LRRC7: variants seen among roughly 807,000 people sequenced by gnomAD.
LRRC7 encodes the protein leucine rich repeat containing 7, also known as leucine-rich repeat-containing protein 7.
A neutral mutation model predicts 175.7 loss-of-function variants in LRRC7; 23 were observed. The ratio of observed to expected loss-of-function variants is 0.13; its 90% CI spans 0.09 to 0.19. The LOEUF (loss-of-function observed/expected upper bound fraction) is 0.19. Among genes scored for constraint, LRRC7 ranks in the 10% least tolerant of loss-of-function variants. The pLI, the probability that LRRC7 is intolerant of heterozygous loss-of-function variation, is 1.00. For synonymous variants in LRRC7, 685 were observed against 680.9 expected, an observed-to-expected ratio of 1.01 and a Z score of -0.09; for missense variants, 1,354 against 1,904.7, an observed-to-expected ratio of 0.71 and a Z score of 5.38.
At chr1:69,877,962 G>A (rs1171108320) in intron 7 of LRRC7, among the ~76,000 whole-genome samples, 2 of 152,116 alleles carry the variant, frequency 1.3e-5, no homozygotes, top group Non-Finnish European at 2.9e-5. Context: ...ACTATCAAAG[G>A]TGTAGAGGAG....
chr1:69,888,754 A>T (rs1302062509), intron 7 of LRRC7, among the ~76,000 whole-genome samples: 1 of 152,190 alleles, frequency 6.6e-6, no homozygotes, highest in Non-Finnish European at 1.5e-5. Context: ...AGAGTAGAAC[A>T]GTGGTTACCA....
intron 1 of LRRC7, among the ~76,000 whole-genome samples, chr1:69,597,199 T>C (rs1408011269): frequency 1.3e-5 from 2 of 152,144 alleles, no homozygotes; most frequent in African/African-American, 4.8e-5. Flanking sequence ...TAAACATAGT[T>C]TCAGTGTCTA....
chr1:69,985,435 G>C (rs955263557), intron 9 of LRRC7, among the ~76,000 whole-genome samples: 2 of 152,132 alleles, frequency 1.3e-5, no homozygotes, highest in Admixed American at 6.6e-5. Context: ...CTTTAGTTGG[G>C]AGTTATTTAT....
At chr1:69,702,772 G>A (rs185838091) in intron 2 of LRRC7, among the ~76,000 whole-genome samples, 137 of 152,086 alleles carry the variant, frequency 9.0e-4, no homozygotes, top group African/African-American at 3.0e-3. Flanking sequence ...TAGCACTTTG[G>A]GAGTTTATTA....
At chr1:69,915,864 T>C (rs1646671118) in intron 7 of LRRC7, among the ~76,000 whole-genome samples, 2 of 150,802 alleles carry the variant, frequency 1.3e-5, no homozygotes, top group South Asian at 4.2e-4. Context: ...ATCATAACAG[T>C]AACCCTATAA....
chr1:69,781,657 G>C (rs12035714), intron 3 of LRRC7, among the ~76,000 whole-genome samples: 18,506 of 140,164 alleles, frequency 0.13, 1,932 homozygotes, highest in East Asian at 0.49. Flanking sequence ...ACTCCAGCCT[G>C]GGAGACAGAG....
chr1:69,812,829 C>T (rs1678097037), intron 4 of LRRC7, among the ~76,000 whole-genome samples: 1 of 152,060 alleles, frequency 6.6e-6, no homozygotes, highest in African/African-American at 2.4e-5. Context: ...AACACTAAAT[C>T]ATTCAAAATT....
At chr1:70,092,644 A>G (rs1290168189) in intron 25 of LRRC7, among the ~76,000 whole-genome samples, 1 of 152,172 alleles carries the variant, frequency 6.6e-6, no homozygotes, top group Non-Finnish European at 1.5e-5. Flanking sequence ...ACAGCCAGAC[A>G]GGGAAAGACT....
chr1:69,617,934 C>G (rs1649937861), intron 1 of LRRC7, among the ~76,000 whole-genome samples: 1 of 152,010 alleles, frequency 6.6e-6, no homozygotes, highest in Non-Finnish European at 1.5e-5. Flanking sequence ...TGACAATAAA[C>G]AGCGTTGGGG....
intron 2 of LRRC7, among the ~76,000 whole-genome samples, chr1:69,698,223 G>C (rs544743735): frequency 2.0e-4 from 30 of 152,172 alleles, no homozygotes; most frequent in Non-Finnish European, 4.0e-4. Flanking sequence ...TCAATATCTA[G>C]AACACCCGTT....
chr1:69,865,606 G>A (rs1290740134), intron 7 of LRRC7, among the ~76,000 whole-genome samples: 2 of 145,838 alleles, frequency 1.4e-5, no homozygotes, highest in Admixed American at 7.1e-5. Flanking sequence ...TCAGCCTCCC[G>A]AGTGGCTGGG....
rs560403993 is a variant in LRRC7, at chr1:69,614,533, C to A, written c.2+45892C>A. 2.1e-4 allele frequency among the ~76,000 whole-genome samples: 32 copies of A among 152,086 alleles called. 1 individual carries two copies. Among genetic ancestry groups the A allele is most frequent in the Middle Eastern group, 3.4e-3 (1 of 294 alleles). On this transcript the variant is annotated intron_variant, in intron 1 of 26. Transcript: ENST00000651989. The stretch of plus-strand genomic sequence containing the variant: ...TAGGCAGATAAAACTCTCATTTGCC[C>A]TGGCCTCTGAGGCACGTTGATATCA...
At chr1:69,817,080 C>A (rs1230612418) in intron 4 of LRRC7, among the ~76,000 whole-genome samples, 2 of 151,902 alleles carry the variant, frequency 1.3e-5, no homozygotes, top group African/African-American at 4.8e-5. Flanking sequence ...GTAGGTTTTG[C>A]TGTGCAAAAA....
chr1:69,580,003 G>A (rs1055674647), intron 1 of LRRC7, among the ~76,000 whole-genome samples: 2 of 152,076 alleles, frequency 1.3e-5, no homozygotes, highest in African/African-American at 4.8e-5. Flanking sequence ...GGAAGCACAT[G>A]TCATGATAGA....
At chr1:69,571,791 C>G (rs935942437) in intron 1 of LRRC7, among the ~76,000 whole-genome samples, 1 of 152,104 alleles carries the variant, frequency 6.6e-6, no homozygotes, top group African/African-American at 2.4e-5. Flanking sequence ...CTCAGATTAA[C>G]CGACTACACG....
At chr1:69,581,656 A>G (rs1557431590) in intron 1 of LRRC7, among the ~76,000 whole-genome samples, 1 of 148,972 alleles carries the variant, frequency 6.7e-6, no homozygotes, top group African/African-American at 2.6e-5. Flanking sequence ...CTGGAAATGA[A>G]TTGAATACTT....
At chr1:69,882,998 T>A (rs931857349) in intron 7 of LRRC7, among the ~76,000 whole-genome samples, 4,119 of 152,198 alleles carry the variant, frequency 0.027, 114 homozygotes, top group Admixed American at 0.083. Flanking sequence ...CACATTTTCT[T>A]AATCCAGTTT....
chr1:69,771,653 G>A (rs1159303617), intron 3 of LRRC7, among the ~76,000 whole-genome samples: 1 of 152,132 alleles, frequency 6.6e-6, no homozygotes, highest in Non-Finnish European at 1.5e-5. Context: ...CATTCAGCAA[G>A]CATTTCTTGA....
intron 16 of LRRC7, among the ~76,000 whole-genome samples, chr1:70,022,717 C>A (rs2101979090): frequency 6.6e-6 from 1 of 152,228 alleles, no homozygotes; most frequent in Middle Eastern, 3.4e-3. Context: ...CTAAATAAAT[C>A]ATCATGGAAG....
Sources: gnomAD v4.1 joint callset for allele counts (sites outside exome capture counted in the v4.1 genomes callset) on GRCh38, gnomAD v4.1.1 for gene constraint, MANE v1.5 for transcripts, NCBI Gene and HGNC (gene_info 2026-07-23, HGNC 2026-07-21) for gene names.